The following MARCHF1 variants were observed in gnomAD, a reference collection of about 807,000 sequenced individuals.
MARCHF1 encodes the protein membrane associated ring-CH-type finger 1.
MARCHF1 carries 40 observed loss-of-function variants against 54.2 expected under a neutral mutation model. The ratio of observed to expected loss-of-function variants is 0.74; its 90% CI spans 0.57 to 0.96. The LOEUF (loss-of-function observed/expected upper bound fraction) is 0.96. MARCHF1 is among the 40% of genes least tolerant of loss of function. The probability of loss-of-function intolerance (pLI) is 0.00; values close to 1 mark genes in which losing one functional copy is unlikely to be tolerated. For missense variants in MARCHF1, 586 were observed against 656.5 expected (o/e 0.89, Z 1.17); for synonymous variants, 236 against 236.3 (o/e 1.00, Z 0.01).
At chr4:164,003,909 G>T (rs772307291) in intron 2 of MARCHF1, among the ~76,000 whole-genome samples, 1 of 152,058 alleles carries the variant, frequency 6.6e-6, no homozygotes, top group Admixed American at 6.6e-5. Context: ...ATGATAGACT[G>T]GATGAAGAAA....
chr4:163,981,427 T>G (rs969964453), intron 3 of MARCHF1, among the ~76,000 whole-genome samples: 1 of 152,190 alleles, frequency 6.6e-6, no homozygotes, highest in African/African-American at 2.4e-5. Context: ...TTCACTCCTT[T>G]AAGAGCAGAA....
intron 2 of MARCHF1, among the ~76,000 whole-genome samples, chr4:164,023,574 A>G (rs1278597507): frequency 6.6e-6 from 1 of 152,194 alleles, no homozygotes; most frequent in Non-Finnish European, 1.5e-5. Flanking sequence ...AATACTTAAA[A>G]TAAAGACAAT....
At chr4:163,531,121 C>G (rs985971978) in intron 9 of MARCHF1, among the ~76,000 whole-genome samples, 2 of 148,504 alleles carry the variant, frequency 1.3e-5, no homozygotes, top group Non-Finnish European at 3.0e-5. Flanking sequence ...ATAATACTTC[C>G]TAACTAATCG....
At chr4:163,880,280 A>T (rs1750387639) in intron 3 of MARCHF1, among the ~76,000 whole-genome samples, 1 of 151,428 alleles carries the variant, frequency 6.6e-6, no homozygotes, top group African/African-American at 2.4e-5. Flanking sequence ...TTATTTTATG[A>T]TATTTAAATA....
At chr4:164,197,437 C>T (rs1731307252) in intron 1 of MARCHF1, 3 of 1,613,522 alleles carry the variant, frequency 1.9e-6, no homozygotes, top group Non-Finnish European at 2.5e-6. Context: ...TTTGTTGCCA[C>T]TTAAATATAG....
intron 1 of MARCHF1, among the ~76,000 whole-genome samples, chr4:164,157,605 G>A (rs1405914995): frequency 6.6e-6 from 1 of 152,090 alleles, no homozygotes; most frequent in Non-Finnish European, 1.5e-5. Context: ...AAACCTGTAG[G>A]GGAGTCCTAC....
intron 1 of MARCHF1, among the ~76,000 whole-genome samples, chr4:164,125,069 AC>A (rs1273216812): frequency 6.6e-6 from 1 of 152,114 alleles, no homozygotes; most frequent in Non-Finnish European, 1.5e-5. Flanking sequence ...GTACTCACCC[AC>A]AAAAATTAAA....
intron 3 of MARCHF1, among the ~76,000 whole-genome samples, chr4:163,859,159 T>C (rs1007135051): frequency 5.3e-5 from 8 of 152,176 alleles, no homozygotes; most frequent in Non-Finnish European, 1.2e-4. Context: ...GCTTAGACTA[T>C]CTGAAATATA....
intron 3 of MARCHF1, among the ~76,000 whole-genome samples, chr4:163,934,576 T>TA (rs551026107): frequency 0.027 from 2,138 of 77,912 alleles, 71 homozygotes; most frequent in Non-Finnish European, 0.039. Flanking sequence ...TCTTTTTAAG[T>TA]AAAAAAAAAA....
At chr4:163,975,164 G>GCTCT (rs55675178) in intron 3 of MARCHF1, among the ~76,000 whole-genome samples, 47 of 127,176 alleles carry the variant, frequency 3.7e-4, no homozygotes, top group African/African-American at 1.4e-3. Context: ...TCATAATAAA[G>GCTCT]CTCTCTCTCT....
chr4:163,708,543 G>T (rs1421623942), intron 4 of MARCHF1, among the ~76,000 whole-genome samples: 1 of 152,108 alleles, frequency 6.6e-6, no homozygotes, highest in Non-Finnish European at 1.5e-5. Flanking sequence ...AAATGAATTG[G>T]ATCTCTGGCA....
At chr4:164,189,626 A>T in intron 1 of MARCHF1, 1 of 916,278 alleles carries the variant, frequency 1.1e-6, no homozygotes, top group Non-Finnish European at 1.9e-6. Flanking sequence ...GTAGTGCTTG[A>T]TGTATGTCCC....
chr4:164,099,833 T>A (rs1470015167), intron 2 of MARCHF1, among the ~76,000 whole-genome samples: 2 of 152,140 alleles, frequency 1.3e-5, no homozygotes, highest in African/African-American at 4.8e-5. Flanking sequence ...ATTGTGAATC[T>A]AATACTTTTT....
Position 163,654,967 on chromosome 4 carries a change from T to C in MARCHF1, c.163-41574A>G, listed in dbSNP as rs1329988148. ...ATGCTTCTTCTTTTCTTTGCCTCTT[T>C]TCTCTTTCTGCTTTCTACTATCTTG... On this transcript the variant is annotated intron_variant, in intron 5 of 9. Coordinates refer to ENST00000514618, the MANE Select transcript of MARCHF1 (RefSeq NM_001394959.1). Among the ~76,000 whole-genome samples the C allele has an allele frequency of 2.6e-5, 4 of 151,620 alleles. No homozygotes were observed. The East Asian group carries it at 7.8e-4, about 29-fold the overall frequency.
intron 8 of MARCHF1, among the ~76,000 whole-genome samples, chr4:163,573,781 A>G (rs1400545483): frequency 6.6e-6 from 1 of 151,978 alleles, no homozygotes; most frequent in Admixed American, 6.6e-5. Context: ...ATACGTGTGC[A>G]TGTGTCTTTA....
At chr4:164,324,163 CA>C (rs1180790384) in intron 1 of MARCHF1, among the ~76,000 whole-genome samples, 1 of 151,726 alleles carries the variant, frequency 6.6e-6, no homozygotes, top group East Asian at 1.9e-4. Flanking sequence ...ATCAATTACA[CA>C]AACAAACAGA....
intron 1 of MARCHF1, among the ~76,000 whole-genome samples, chr4:164,118,829 T>C (rs1755995452): frequency 6.6e-6 from 1 of 151,136 alleles, no homozygotes; most frequent in Non-Finnish European, 1.5e-5. Context: ...CAACAATTTA[T>C]AAAGCTGAAA....
At chr4:163,590,172 C>T (rs1324701509) in intron 7 of MARCHF1, among the ~76,000 whole-genome samples, 1 of 150,108 alleles carries the variant, frequency 6.7e-6, no homozygotes, top group Non-Finnish European at 1.5e-5. Flanking sequence ...TTTAGTGCTC[C>T]CTGCCCCCAT....
intron 5 of MARCHF1, among the ~76,000 whole-genome samples, chr4:163,633,351 A>T (rs1742180610): frequency 6.6e-6 from 1 of 152,148 alleles, no homozygotes; most frequent in African/African-American, 2.4e-5. Context: ...ACTTTGAAAA[A>T]AATTTAGAAG....
Sources: gnomAD v4.1 joint callset for allele counts (sites outside exome capture counted in the v4.1 genomes callset) on GRCh38, gnomAD v4.1.1 for gene constraint, MANE v1.5 for transcripts, NCBI Gene and HGNC (gene_info 2026-07-23, HGNC 2026-07-21) for gene names.